AKR1C1: variants seen among roughly 807,000 people sequenced by gnomAD.
AKR1C1 encodes the protein aldo-keto reductase family 1 member C1.
AKR1C1 carries 32 observed loss-of-function variants against 40.6 expected under a neutral mutation model. The ratio of observed to expected loss-of-function variants is 0.79; its 90% confidence interval spans 0.60 to 1.06. AKR1C1 has a LOEUF of 1.06. AKR1C1 is among the 50% of genes least tolerant of loss of function. The pLI, the probability that AKR1C1 is intolerant of heterozygous loss-of-function variation, is 0.00. For synonymous variants in AKR1C1, 105 were observed against 134.2 expected, an observed-to-expected ratio of 0.78 and a Z score of 1.50; for missense variants, 320 against 363.5, an observed-to-expected ratio of 0.88 and a Z score of 0.97.
intron 4 of AKR1C1, 61 bp downstream of exon 4, chr10:4,968,447 A>G (rs1421629729): frequency 1.4e-4 from 152 of 1,117,768 alleles, no homozygotes; most frequent in Non-Finnish European, 1.7e-4. Flanking sequence ...TCTGTTTCCT[A>G]TCTTCTTAGT....
rs1554770884 is a variant in AKR1C1 at position 4,979,647 on chromosome 10, G to A, written c.*1905G>A. On this transcript the variant is annotated 3_prime_UTR_variant, in exon 9 of 9. Transcript: ENST00000380872. The stretch of plus-strand genomic sequence containing the variant: ...TTTCAAGATGTGAAATAATCATTAG[G>A]TCAGTCATTTGTAAATAGTACATCT... 2 of 152,128 alleles carry A rather than the reference G, an allele frequency of 1.3e-5. No homozygotes were observed. Among genetic ancestry groups the A allele is most frequent in the African/African-American group, 4.8e-5 (2 of 41,410 alleles). The allele number at this position is 152,128 out of a possible 1,614,324, so 9.4% of individuals were successfully genotyped here. A position where few individuals can be genotyped will look rare whatever the true frequency, so the allele number is the denominator to read the frequency against.
intron 4 of AKR1C1, 59 bp downstream of exon 4, chr10:4,968,445 CTATCTTCT>C: frequency 8.7e-7 from 1 of 1,146,994 alleles, no homozygotes; most frequent in South Asian, 1.5e-5. Context: ...CATCTGTTTC[CTATCTTCT>C]TAGTACAAGT....
chr10:4,972,870 A>G, intron 7 of AKR1C1, 121 bp downstream of exon 7: 1 of 1,448,312 alleles, frequency 6.9e-7, no homozygotes, highest in South Asian at 1.4e-5. Context: ...CTATGCATGA[A>G]CTCTTTGTGT....
At chr10:4,966,320 C>A (rs953382600) in intron 2 of AKR1C1, among the ~76,000 whole-genome samples, 1 of 152,192 alleles carries the variant, frequency 6.6e-6, no homozygotes, top group Non-Finnish European at 1.5e-5. Context: ...CAGCACAGAT[C>A]AATATGGTTT....
chr10:4,978,876 T>C lies in AKR1C1; in HGVS notation c.*1134T>C, dbSNP rs1328803851. On this transcript the variant is annotated 3_prime_UTR_variant, in exon 9 of 9. Coordinates refer to ENST00000380872, the MANE Select transcript of AKR1C1 (RefSeq NM_001353.6). ...CAACTCTTACAAAGGCATTTAATTC[T>C]TATACATAATTTTCAGGGGACCTAA... 6.6e-6 allele frequency: 1 copy of C among 152,238 alleles called. No individual in the cohort carries two copies. The highest frequency in any genetic ancestry group is 1.9e-4 in the East Asian group (1 of 5,202). 9.4% of individuals were successfully genotyped at this position (152,238 alleles called of 1,614,324 possible).
intron 1 of AKR1C1, chr10:4,964,002 A>T (rs1836289541): frequency 2.7e-6 from 2 of 740,720 alleles, no homozygotes; most frequent in African/African-American, 1.7e-5. Flanking sequence ...AGAATTTCTC[A>T]TGTACTATTC....
intron 1 of AKR1C1, chr10:4,965,699 C>G (rs571949922): frequency 4.0e-6 from 2 of 493,950 alleles, no homozygotes; most frequent in Admixed American, 7.5e-5. Context: ...AGTGGTCAAG[C>G]AGTGATTTTT....
At chr10:4,965,662 A>C in intron 1 of AKR1C1, 1 of 391,360 alleles carries the variant, frequency 2.6e-6, no homozygotes. Context: ...ACTGAACCTG[A>C]AATTGTTTTG....
At chr10:4,967,184 T>C (rs1212568143) in intron 3 of AKR1C1, 141 bp downstream of exon 3, 3 of 1,024,752 alleles carry the variant, frequency 2.9e-6, no homozygotes, top group Non-Finnish European at 4.2e-6. Flanking sequence ...TAACTCCTAA[T>C]TCCTTTCTAT....
intron 1 of AKR1C1, among the ~76,000 whole-genome samples, chr10:4,964,741 T>C (rs1438742086): frequency 6.6e-6 from 1 of 152,236 alleles, no homozygotes; most frequent in African/African-American, 2.4e-5. Flanking sequence ...CACTTACTCC[T>C]TGCAGTCTAT....
rs1554770015 is a variant in AKR1C1, at chr10:4,972,704, C to A, written c.801C>A (p.Val267=). 1 of 1,612,502 alleles carries A rather than the reference C, an allele frequency of 6.2e-7. No homozygotes were observed. The highest frequency in any genetic ancestry group is 8.5e-7 in the Non-Finnish European group (1 of 1,180,020). ...LRYQLQRGVV[V]LAKSYNEQRI... ...ACCAGCTACAGCGTGGGGTTGTGGT[C>A]CTGGCCAAGAGCTACAATGAGCAGC... is the stretch of plus-strand genomic sequence containing the variant. Residue 267 remains valine, a synonymous_variant, in exon 7 of 9, where the codon GTC becomes GTA. Transcript: ENST00000380872.
intron 8 of AKR1C1, 68 bp from the exon 9 acceptor site, chr10:4,977,632 T>C (rs1836546364): frequency 1.2e-6 from 2 of 1,601,776 alleles, no homozygotes; most frequent in Middle Eastern, 1.7e-4. Context: ...TTCCTAGAAA[T>C]CACTGCACTA....
Position 4,966,003 on chromosome 10 carries a change from G to C in AKR1C1, c.174G>C (p.Glu58Asp). Residue 58 changes from glutamate to aspartate, a missense_variant, in exon 2 of 9, where the codon GAG (glutamate) becomes GAC (aspartate). Physicochemically the swap from Glu to Asp is conservative, Grantham distance 45. This residue lies in a region of AKR1C1 where 214 missense variants were observed against 214.8 expected (regional missense o/e 1.00). Transcript: ENST00000380872. ...ATTCTGCTCATTTATACAATAATGA[G>C]GAGCAGGTTGGACTGGCCATCCGAA... ...HIDSAHLYNN[E>D]EQVGLAIRSK... 2 of 1,614,250 alleles carry C rather than the reference G, an allele frequency of 1.2e-6. No homozygotes were observed. Among genetic ancestry groups the C allele is most frequent in the Non-Finnish European group, 1.7e-6 (2 of 1,180,038 alleles).
At position 4,979,626 on chromosome 10, in the gene AKR1C1, A is replaced by G. The variant is rs1836585989; in HGVS notation, c.*1884A>G. ...CTTTAGCAAGTGTAACTCTTTTTTC[A>G]AGATGTGAAATAATCATTAGGTCAG... On this transcript the variant is annotated 3_prime_UTR_variant, in exon 9 of 9. Coordinates refer to ENST00000380872, the MANE Select transcript of AKR1C1 (RefSeq NM_001353.6). 1 of 152,206 alleles carries G rather than the reference A, an allele frequency of 6.6e-6. No homozygotes were observed. The highest frequency in any genetic ancestry group is 2.4e-5 in the African/African-American group (1 of 41,452). The allele number at this position is 152,206 out of a possible 1,614,324, so 9.4% of individuals were successfully genotyped here. A position where few individuals can be genotyped will look rare whatever the true frequency, so the allele number is the denominator to read the frequency against.
In AKR1C1 at chr10:4,972,254, A is replaced by G; in HGVS notation, c.624A>G (p.Ser208=). The G allele has an allele frequency of 1.9e-6, 3 of 1,614,034 alleles. No homozygotes were observed. Among genetic ancestry groups the G allele is most frequent in the Non-Finnish European group, 2.5e-6 (3 of 1,180,012 alleles). Residue 208 remains serine (S), a synonymous_variant, in exon 6 of 9, where the codon TCA becomes TCG. Transcript: ENST00000380872. ...GAAAACTGCTGGATTTCTGCAAGTC[A>G]AAAGACATTGTTCTGGTTGCCTATA... ...NQRKLLDFCK[S]KDIVLVAYSA...
At chr10:4,972,871 C>T in intron 7 of AKR1C1, 122 bp downstream of exon 7, 3 of 1,448,068 alleles carry the variant, frequency 2.1e-6, no homozygotes, top group South Asian at 1.4e-5. Context: ...TATGCATGAA[C>T]TCTTTGTGTA....
chr10:4,971,736 T>C (rs1836431807), intron 5 of AKR1C1, among the ~76,000 whole-genome samples: 1 of 151,554 alleles, frequency 6.6e-6, no homozygotes, highest in South Asian at 2.1e-4. Flanking sequence ...ATATATATCA[T>C]AGATGGCATA....
rs1468370043 is a variant in AKR1C1 at position 4,983,151 on chromosome 10, G to A, written c.*5409G>A. The A allele has an allele frequency of 7.8e-6, 2 of 257,412 alleles. No homozygotes were observed. The highest frequency in any genetic ancestry group is 1.5e-5 in the Non-Finnish European group (2 of 129,916). The allele number at this position is 257,412 out of a possible 1,614,324, so 15.9% of individuals were successfully genotyped here. A position where few individuals can be genotyped will look rare whatever the true frequency, so the allele number is the denominator to read the frequency against. ...ACAGATGCCCCATGGACATCCTGAA[G>A]CAGAGCTGCCTCACTGCCCTGCACA... On this transcript the variant is annotated 3_prime_UTR_variant, in exon 9 of 9. Transcript: ENST00000380872.
intron 8 of AKR1C1, among the ~76,000 whole-genome samples, chr10:4,976,545 G>T (rs571505161): frequency 6.6e-6 from 1 of 152,314 alleles, no homozygotes; most frequent in South Asian, 2.1e-4. Flanking sequence ...CTTGGCCTTG[G>T]TGTTCTGCAA....
Sources: gnomAD v4.1 joint callset for allele counts (sites outside exome capture counted in the v4.1 genomes callset) on GRCh38, gnomAD v4.1.1 for gene constraint, gnomAD v4.1.1 regional missense constraint, MANE v1.5 for transcripts, NCBI Gene and HGNC (gene_info 2026-07-23, HGNC 2026-07-21) for gene names.